NIT2: variants seen among roughly 807,000 people sequenced by gnomAD.
The protein encoded by NIT2 is omega-amidase NIT2.
NIT2 carries 46 observed loss-of-function variants against 42.7 expected under a neutral mutation model. That is an observed-to-expected ratio of 1.08 (90% CI 0.85 to 1.38). NIT2 has a LOEUF of 1.38. Ranked by LOEUF, NIT2 falls within the 40% of genes most tolerant of loss-of-function variation. The probability of loss-of-function intolerance (pLI) is 0.00; values close to 1 mark genes in which losing one functional copy is unlikely to be tolerated. For missense variants in NIT2, 309 were observed against 342.5 expected (o/e 0.90, Z 0.77); for synonymous variants, 123 against 121.9 (o/e 1.01, Z -0.06).
rs566863146 is a variant in NIT2 at position 100,356,559 on chromosome 3, C to T, written c.*1291C>T. ...TGATGGACACGGTGTCCAAATGACACGGTGTCATTTAACTTCTGGAAAACA... is the reference window on the plus strand; with the variant it reads ...TGATGGACACGGTGTCCAAATGACATGGTGTCATTTAACTTCTGGAAAACA... On this transcript the variant is annotated 3_prime_UTR_variant, in exon 10 of 10. Transcript: ENST00000394140. 29 of 152,264 alleles carry T rather than the reference C, an allele frequency of 1.9e-4. No homozygotes were observed. The highest frequency in any genetic ancestry group is 3.7e-4 in the Non-Finnish European group (25 of 68,014). The allele number at this position is 152,264 out of a possible 1,614,324, so 9.4% of individuals were successfully genotyped here.
rs1358907951 is a variant in NIT2, at chr3:100,355,109, G to A, written c.740-68G>A. On this transcript the variant is annotated intron_variant, in intron 9 of 9. Coordinates refer to ENST00000394140, the MANE Select transcript of NIT2 (RefSeq NM_020202.5). The stretch of plus-strand genomic sequence containing the variant: ...AGACTCTGGTGGTTTATACAGTCAG[G>A]GGAAGAAATCCCCTTGGTTAGTGAG... The A allele has an allele frequency of 3.4e-6, 4 of 1,175,206 alleles. No individual in the cohort carries two copies. In the Admixed American group the frequency reaches 5.2e-5, roughly 15 times the overall value. 72.8% of individuals were successfully genotyped at this position (1,175,206 alleles called of 1,614,324 possible).
In NIT2 at chr3:100,355,410, A is replaced by G. The variant is rs145788958; in HGVS notation, c.*142A>G. 2.7e-4 allele frequency: 161 copies of G among 600,116 alleles called. No individual in the cohort carries two copies. The East Asian group carries it at 4.0e-3, about 15-fold the overall frequency. The allele number at this position is 600,116 out of a possible 1,614,324, so 37.2% of individuals were successfully genotyped here. ...TTCTCTATTGAGATGAGAAAGCCTC[A>G]TTATGCTGACATTTTCCACGCCACA... On this transcript the variant is annotated 3_prime_UTR_variant, in exon 10 of 10. Coordinates refer to ENST00000394140, the MANE Select transcript of NIT2 (RefSeq NM_020202.5).
chr3:100,359,453 T>C lies in NIT2; in HGVS notation c.*4185T>C, dbSNP rs1311987582. On this transcript the variant is annotated 3_prime_UTR_variant, in exon 10 of 10. Coordinates refer to ENST00000394140, the MANE Select transcript of NIT2 (RefSeq NM_020202.5). Reference sequence around the variant, plus strand: ...TCCTGATTTTTTTTCACCCAATTTCTTAGTTTCTTTCAATTGCTTTTCAGA... The same window carrying C: ...TCCTGATTTTTTTTCACCCAATTTCCTAGTTTCTTTCAATTGCTTTTCAGA... The C allele has an allele frequency of 1.3e-5, 2 of 152,202 alleles. No individual in the cohort carries two copies. Among genetic ancestry groups the C allele is most frequent in the African/African-American group, 2.4e-5 (1 of 41,454 alleles). The allele number at this position is 152,202 out of a possible 1,614,324, so 9.4% of individuals were successfully genotyped here. A position where few individuals can be genotyped will look rare whatever the true frequency, so the allele number is the denominator to read the frequency against.
chr3:100,348,857 A>C lies in NIT2; in HGVS notation c.560A>C (p.His187Pro). Residue 187 changes from histidine (H) to proline (P), a missense_variant, in exon 7 of 10, where the codon CAT becomes CCT. Transcript: ENST00000394140. ...GAFNLTTGPA[H>P]WELLQRSRAV... is the part of the protein sequence containing the mutation. Reference sequence around the variant, plus strand: ...TTTAATCTGACCACTGGACCAGCCCATTGGGAGTTACTTCAGCGAAGCCGG... The same window carrying C: ...TTTAATCTGACCACTGGACCAGCCCCTTGGGAGTTACTTCAGCGAAGCCGG... The C allele has an allele frequency of 1.2e-6, 2 of 1,613,980 alleles. No individual in the cohort carries two copies. The highest frequency in any genetic ancestry group is 1.7e-6 in the Non-Finnish European group (2 of 1,179,902).
At chr3:100,346,576 C>G (rs1162445901) in intron 6 of NIT2, among the ~76,000 whole-genome samples, 1 of 152,074 alleles carries the variant, frequency 6.6e-6, no homozygotes, top group African/African-American at 2.4e-5. Flanking sequence ...ACTCAGTACC[C>G]CTAGACATTG....
At chr3:100,338,193 G>A (rs2148880568) in intron 1 of NIT2, among the ~76,000 whole-genome samples, 1 of 152,340 alleles carries the variant, frequency 6.6e-6, no homozygotes, top group Admixed American at 6.5e-5. Context: ...AAGCTTGGAA[G>A]AGCCCCCAAC....
intron 8 of NIT2, among the ~76,000 whole-genome samples, chr3:100,354,013 C>T (rs1326851383): frequency 3.3e-5 from 5 of 152,120 alleles, no homozygotes; most frequent in African/African-American, 7.2e-5. Context: ...TGACCTCAAG[C>T]GATCCACCCA....
chr3:100,338,198 C>G (rs887923654), intron 1 of NIT2, among the ~76,000 whole-genome samples: 2 of 152,120 alleles, frequency 1.3e-5, no homozygotes, highest in African/African-American at 4.8e-5. Context: ...TGGAAGAGCC[C>G]CCAACCTCCT....
chr3:100,346,342 T>C, intron 6 of NIT2, 87 bp downstream of exon 6: 2 of 1,171,844 alleles, frequency 1.7e-6, no homozygotes, highest in Non-Finnish European at 2.5e-6. Flanking sequence ...CAAGAAAAGC[T>C]GGGAGAGGGC....
chr3:100,347,782 TG>T (rs2148883311), intron 6 of NIT2, among the ~76,000 whole-genome samples: 1 of 152,216 alleles, frequency 6.6e-6, no homozygotes, highest in Non-Finnish European at 1.5e-5. Context: ...CAGAAAATAG[TG>T]GAAGTATGGA....
chr3:100,336,862 G>A (rs1158684690), intron 1 of NIT2, among the ~76,000 whole-genome samples: 1 of 152,152 alleles, frequency 6.6e-6, no homozygotes, highest in Non-Finnish European at 1.5e-5. Flanking sequence ...ATCCTCCTCA[G>A]CACAGACCCT....
intron 4 of NIT2, among the ~76,000 whole-genome samples, chr3:100,341,493 C>T (rs551141591): frequency 3.3e-5 from 5 of 151,922 alleles, no homozygotes; most frequent in South Asian, 4.2e-4. Context: ...CTCAGCCTCC[C>T]GAGTAGCTGG....
In NIT2 at chr3:100,354,780, T is replaced by G. The variant is rs17851799; in HGVS notation, c.692T>G (p.Val231Gly). 6.2e-7 allele frequency: 1 copy of G among 1,605,566 alleles called. No homozygotes were observed. Reference protein sequence around the residue: ...HSTVVNPWGEVLAKAGTEEAI... With the variant: ...HSTVVNPWGEGLAKAGTEEAI... ...TTCTGCATCTTTTTCAGGGGGGAGGTTCTAGCCAAAGCTGGCACAGAAGAA... is the reference window on the plus strand; with the variant it reads ...TTCTGCATCTTTTTCAGGGGGGAGGGTCTAGCCAAAGCTGGCACAGAAGAA... Residue 231 changes from valine (V) to glycine (G), a missense_variant, in exon 9 of 10, where the codon GTT becomes GGT. Val to Gly is a moderately radical substitution (Grantham distance 109). Transcript: ENST00000394140.
Position 100,360,355 on chromosome 3 carries a change from G to A in NIT2, c.*5087G>A, listed in dbSNP as rs1328730487. On this transcript the variant is annotated 3_prime_UTR_variant, in exon 10 of 10. Coordinates refer to ENST00000394140, the MANE Select transcript of NIT2 (RefSeq NM_020202.5). ...ATGGTGGCTCACGCCTGTAATCCCA[G>A]CACTTTGGGAGGCCAAGATGGGCAG... 1 of 152,402 alleles carries A rather than the reference G, an allele frequency of 6.6e-6. No individual in the cohort carries two copies. Among genetic ancestry groups the A allele is most frequent in the Non-Finnish European group, 1.5e-5 (1 of 68,198 alleles). The allele number at this position is 152,402 out of a possible 1,614,324, so 9.4% of individuals were successfully genotyped here.
chr3:100,355,274 A>C lies in NIT2; in HGVS notation c.*6A>C. On this transcript the variant is annotated 3_prime_UTR_variant, in exon 10 of 10. Coordinates refer to ENST00000394140, the MANE Select transcript of NIT2 (RefSeq NM_020202.5). ...TGGAGATGAAAAAGCCCTAAAGTTT[A>C]TGTTTCTAATGTGTCACAGAATAGG... The C allele has an allele frequency of 6.3e-7, 1 of 1,590,060 alleles. No homozygotes were observed. The highest frequency in any genetic ancestry group is 8.6e-7 in the Non-Finnish European group (1 of 1,158,410).
chr3:100,340,002 G>A lies in NIT2; in HGVS notation c.247+67G>A, dbSNP rs1706130870. 6 of 1,392,212 alleles carry A rather than the reference G, an allele frequency of 4.3e-6. No homozygotes were observed. The East Asian group carries it at 1.5e-4, about 34-fold the overall frequency. 86.2% of individuals were successfully genotyped at this position (1,392,212 alleles called of 1,614,324 possible). A position where few individuals can be genotyped will look rare whatever the true frequency, so the allele number is the denominator to read the frequency against. On this transcript the variant is annotated intron_variant, in intron 3 of 9. Coordinates refer to ENST00000394140, the MANE Select transcript of NIT2 (RefSeq NM_020202.5). ...AACATCTGAATGAGTCAGGTGTGGT[G>A]GCGTGCGCCTGTATTCCCTACTTGG...
chr3:100,335,586 G>A (rs1317071441), intron 1 of NIT2, among the ~76,000 whole-genome samples: 2 of 152,236 alleles, frequency 1.3e-5, no homozygotes, highest in African/African-American at 4.8e-5. Flanking sequence ...TGTCTGTAGA[G>A]TGGGTCATTT....
intron 3 of NIT2, 56 bp from the exon 4 acceptor site, chr3:100,341,017 C>A: frequency 1.7e-6 from 2 of 1,208,958 alleles, no homozygotes; most frequent in Non-Finnish European, 2.4e-6. Context: ...ATCCCTTTCT[C>A]ACAAAAGAAT....
intron 4 of NIT2, among the ~76,000 whole-genome samples, chr3:100,342,662 T>C (rs1706169310): frequency 6.6e-6 from 1 of 152,082 alleles, no homozygotes; most frequent in African/African-American, 2.4e-5. Flanking sequence ...TCTACCCCAC[T>C]GCCCCTGCCC....
Sources: allele counts gnomAD v4.1 joint callset (sites outside exome capture counted in the v4.1 genomes callset), GRCh38; gene constraint gnomAD v4.1.1; transcripts MANE v1.5; gene names NCBI Gene and HGNC (gene_info 2026-07-23, HGNC 2026-07-21).